Variants in ZFP28 observed in about 807,000 individuals in gnomAD.
ZFP28 encodes the protein zinc finger protein 28 homolog.
ZFP28 carries 31 observed loss-of-function variants against 39.5 expected under a neutral mutation model. The observed-to-expected ratio is 0.79, with a 90% CI of 0.59 to 1.06. ZFP28 has a LOEUF of 1.06. Among genes scored for constraint, ZFP28 ranks in the 50% least tolerant of loss-of-function variants. ZFP28 has a pLI of 0.00. For synonymous variants in ZFP28, 400 were observed against 378.6 expected (o/e 1.06, Z -0.66); for missense variants, 925 against 1,048.4 (o/e 0.88, Z 1.63).
intron 7 of ZFP28, chr19:56,551,528 G>A (rs2044303007): frequency 1.0e-6 from 1 of 984,840 alleles, no homozygotes; most frequent in Admixed American, 6.2e-5. Context: ...AATTATAATA[G>A]ATTTTTTTCA....
At chr19:56,549,234 A>G (rs1300800315) in intron 5 of ZFP28, 113 bp downstream of exon 5, 16 of 1,268,702 alleles carry the variant, frequency 1.3e-5, no homozygotes. Flanking sequence ...ATTTGAATAC[A>G]ATGCTTCTTA....
Position 56,555,201 on chromosome 19 carries a change from G to A in ZFP28, c.2416G>A (p.Val806Ile), listed in dbSNP as rs1313529843. 1.2e-6 allele frequency: 2 copies of A among 1,614,134 alleles called. No individual in the cohort carries two copies. The highest frequency in any genetic ancestry group is 1.7e-6 in the Non-Finnish European group (2 of 1,180,020). The change falls in exon 8 of 8, where the codon GTT (valine) becomes ATT (isoleucine). Residue 806 changes from valine to isoleucine, a missense_variant. Around this residue, in one of 2 missense-constraint regions of ZFP28, gnomAD observed 369 missense variants for 505.5 expected, o/e 0.73. Coordinates refer to ENST00000301318, the MANE Select transcript of ZFP28 (RefSeq NM_020828.2). ...QIGHLNQHKR[V>I]HTGERSYNYK... ...TGGACACCTTAATCAACATAAGAGA[G>A]TTCATACTGGAGAGAGATCTTATAA...
Position 56,539,708 on chromosome 19 carries a change from A to G in ZFP28, c.292A>G (p.Met98Val), listed in dbSNP as rs1478181518. ...AVGTGIEPKA[M>V]SQGLVTFGDV... Reference sequence around the variant, plus strand: ...GGGGACAGGAATTGAACCTAAAGCCATGTCCCAGGTGAGTTGGCATTTCAT... The same window carrying G: ...GGGGACAGGAATTGAACCTAAAGCCGTGTCCCAGGTGAGTTGGCATTTCAT... The change falls in exon 2 of 8, where the codon ATG becomes GTG. Residue 98 changes from methionine (M) to valine (V), a missense_variant. Met to Val is a conservative substitution (Grantham distance 21). Coordinates refer to ENST00000301318, the MANE Select transcript of ZFP28 (RefSeq NM_020828.2). 1.2e-6 allele frequency: 2 copies of G among 1,614,080 alleles called. No individual in the cohort carries two copies. Among genetic ancestry groups the G allele is most frequent in the Non-Finnish European group, 1.7e-6 (2 of 1,179,964 alleles).
chr19:56,539,734 C>T lies in ZFP28; in HGVS notation c.300+18C>T. ...TGTCCCAGGTGAGTTGGCATTTCAT[C>T]TCTTGTCTCTGAAATGCAGTCTTGC... On this transcript the variant is annotated intron_variant, in intron 2 of 7. Coordinates refer to ENST00000301318, the MANE Select transcript of ZFP28 (RefSeq NM_020828.2). 6.2e-7 allele frequency: 1 copy of T among 1,607,586 alleles called. No homozygotes were observed. The highest frequency in any genetic ancestry group is 8.5e-7 in the Non-Finnish European group (1 of 1,174,300).
intron 2 of ZFP28, chr19:56,545,914 G>T (rs1019992291): frequency 2.6e-5 from 4 of 152,194 alleles, no homozygotes; most frequent in African/African-American, 9.7e-5. Context: ...ACACACAAAT[G>T]GGGACTGGGT....
In ZFP28 at chr19:56,547,445, A is replaced by C; in HGVS notation, c.301-63A>C. Reference sequence around the variant, plus strand: ...CAGGGGACACATTTCTTTCTATAACAAACCCCCAGTCATGTGGGGGCATGA... The same window carrying C: ...CAGGGGACACATTTCTTTCTATAACCAACCCCCAGTCATGTGGGGGCATGA... On this transcript the variant is annotated intron_variant, in intron 2 of 7. Transcript: ENST00000301318. The surrounding 1 kb of genome is among the most constrained non-coding windows in gnomAD (Gnocchi z 4.6). 1.2e-6 allele frequency: 2 copies of C among 1,611,714 alleles called. No individual in the cohort carries two copies. Among genetic ancestry groups the C allele is most frequent in the Non-Finnish European group, 1.7e-6 (2 of 1,179,012 alleles).
At position 56,556,682 on chromosome 19, in the gene ZFP28, C is replaced by A. The variant is rs1437249583; in HGVS notation, c.*1290C>A. 1 of 151,914 alleles carries A rather than the reference C, an allele frequency of 6.6e-6. No homozygotes were observed. The highest frequency in any genetic ancestry group is 1.5e-5 in the Non-Finnish European group (1 of 67,990). The allele number at this position is 151,914 out of a possible 1,614,324, so 9.4% of individuals were successfully genotyped here. On this transcript the variant is annotated 3_prime_UTR_variant, in exon 8 of 8. Transcript: ENST00000301318. ...AATTTTATGAGGGCAATACAACTGT[C>A]ACATCAGAAACAAGAAAACAAATGA...
At chr19:56,549,868 CT>C (rs1379430287) in intron 5 of ZFP28, among the ~76,000 whole-genome samples, 198 bp from the exon 6 acceptor site, 1 of 152,126 alleles carries the variant, frequency 6.6e-6, no homozygotes, top group African/African-American at 2.4e-5. Flanking sequence ...CAGAAAGTTT[CT>C]CCTATTTTTC....
At chr19:56,538,232 T>G (rs2044152384), upstream of ZFP28, 1 of 152,216 alleles carries the variant, frequency 6.6e-6, no homozygotes, top group African/African-American at 2.4e-5. Context: ...TACATCCCCC[T>G]TCCTAGCCCA....
chr19:56,542,495 A>G (rs1336805296), intron 2 of ZFP28, among the ~76,000 whole-genome samples: 1 of 152,190 alleles, frequency 6.6e-6, no homozygotes, highest in Non-Finnish European at 1.5e-5. Flanking sequence ...AAAAATTTGC[A>G]TATAGGTGGA....
intron 7 of ZFP28, chr19:56,550,875 G>A (rs1212044942): frequency 6.9e-7 from 1 of 1,442,094 alleles, no homozygotes; most frequent in Non-Finnish European, 9.0e-7. Context: ...ATCTTTTCTG[G>A]ACCCTGATGC....
intron 2 of ZFP28, chr19:56,546,434 T>A (rs1468264877): frequency 1.3e-5 from 2 of 152,182 alleles, no homozygotes; most frequent in African/African-American, 4.8e-5. Context: ...AGCAGCCCCA[T>A]CTTGCCAGTT....
chr19:56,538,671 C>G (rs1270597288), upstream of ZFP28: 1 of 151,778 alleles, frequency 6.6e-6, no homozygotes, highest in East Asian at 2.0e-4. Flanking sequence ...CTGCTTGGGA[C>G]TACGCTTCCC....
Position 56,547,514 on chromosome 19 carries a change from G to A in ZFP28, c.307G>A (p.Val103Met). 2 of 1,614,184 alleles carry A rather than the reference G, an allele frequency of 1.2e-6. No individual in the cohort carries two copies. Among genetic ancestry groups the A allele is most frequent in the Non-Finnish European group, 1.7e-6 (2 of 1,180,028 alleles). The change falls in exon 3 of 8, where the codon GTG becomes ATG. Residue 103 changes from valine (V) to methionine (M), a missense_variant. Coordinates refer to ENST00000301318, the MANE Select transcript of ZFP28 (RefSeq NM_020828.2). This position sits in a 1 kb window ranked among gnomAD's most constrained non-coding sequence, Gnocchi z 4.6. ...IEPKAMSQGL[V>M]TFGDVAVDFS... The stretch of plus-strand genomic sequence containing the variant: ...CATGGTTATATCATTTCAGGGCTTG[G>A]TGACATTTGGGGATGTGGCTGTAGA...
intron 2 of ZFP28, among the ~76,000 whole-genome samples, chr19:56,543,133 G>A (rs1255180665): frequency 2.0e-5 from 3 of 151,848 alleles, no homozygotes; most frequent in African/African-American, 7.2e-5. Context: ...ATGTTTATTT[G>A]TATGTTTTAA....
At chr19:56,539,820 G>T in intron 2 of ZFP28, 104 bp downstream of exon 2, 1 of 1,043,340 alleles carries the variant, frequency 9.6e-7, no homozygotes, top group Non-Finnish European at 1.4e-6. Flanking sequence ...ACCTGTTTGG[G>T]CGCGGGTTTC....
chr19:56,544,227 G>T (rs139809630), intron 2 of ZFP28, among the ~76,000 whole-genome samples: 1 of 152,190 alleles, frequency 6.6e-6, no homozygotes, highest in African/African-American at 2.4e-5. Context: ...ATATAGGACC[G>T]AACTGGGCAA....
chr19:56,540,176 C>G (rs2044183435), intron 2 of ZFP28, among the ~76,000 whole-genome samples: 1 of 152,172 alleles, frequency 6.6e-6, no homozygotes, highest in Admixed American at 6.5e-5. Context: ...CATCCTTGGG[C>G]CAAGTATTAT....
chr19:56,552,852 T>G (rs2044317229), intron 7 of ZFP28: 1 of 152,310 alleles, frequency 6.6e-6, no homozygotes, highest in African/African-American at 2.4e-5. Flanking sequence ...CTTCTCATTT[T>G]TCCCTTCTTT....
Sources: gnomAD v4.1 joint callset for allele counts (sites outside exome capture counted in the v4.1 genomes callset) on GRCh38, gnomAD v4.1.1 for gene constraint, gnomAD v4.1.1 regional missense constraint, Gnocchi (gnomAD v3.1) non-coding constraint, MANE v1.5 for transcripts, NCBI Gene and HGNC (gene_info 2026-07-23, HGNC 2026-07-21) for gene names.